ZNF730: variants seen among roughly 807,000 people sequenced by gnomAD.
ZNF730 encodes putative zinc finger protein 730.
Under a neutral mutation model 12.6 loss-of-function variants are expected in ZNF730, and 12 were observed. The ratio of observed to expected loss-of-function variants is 0.95; its 90% CI spans 0.61 to 1.54. The LOEUF (loss-of-function observed/expected upper bound fraction) is 1.54, where lower values mean the gene tolerates loss of function less well. ZNF730 is among the 40% of genes most tolerant of loss of function. The probability of loss-of-function intolerance (pLI) is 0.00; values close to 1 mark genes in which losing one functional copy is unlikely to be tolerated. For missense variants in ZNF730, 643 were observed against 583.5 expected, an observed-to-expected ratio of 1.10 and a Z score of -1.05; for synonymous variants, 194 against 195.8, an observed-to-expected ratio of 0.99 and a Z score of 0.08.
At chr19:23,127,164 C>A in intron 1 of ZNF730, 1 of 537,044 alleles carries the variant, frequency 1.9e-6, no homozygotes, top group Admixed American at 2.4e-5. Flanking sequence ...TTTGTTCATG[C>A]TCAAAGAAAT....
At chr19:23,115,692 C>A (rs777945417), upstream of ZNF730, among the ~76,000 whole-genome samples, 6 of 27,918 alleles carry the variant, frequency 2.1e-4, no homozygotes, top group African/African-American at 3.9e-4. Flanking sequence ...AAGCTCACCC[C>A]CAGAAGCAGA....
intron 1 of ZNF730, among the ~76,000 whole-genome samples, chr19:23,102,616 C>T (rs1258480093): frequency 6.6e-6 from 1 of 152,026 alleles, no homozygotes; most frequent in Non-Finnish European, 1.5e-5. Context: ...CTGCCTCAGC[C>T]TCCCAAGTAG....
chr19:23,135,034 G>T (rs571525920), intron 2 of ZNF730, among the ~76,000 whole-genome samples: 4 of 120,262 alleles, frequency 3.3e-5, no homozygotes, highest in Non-Finnish European at 6.7e-5. Context: ...CAGCATGCTC[G>T]TTAAGAGTCA....
rs1970392115 is a variant in ZNF730, at chr19:23,106,294, C to T, written c.-93-27786C>T. 3.9e-5 allele frequency among the ~76,000 whole-genome samples: 6 copies of T among 152,040 alleles called. No individual in the cohort carries two copies. In the South Asian group the frequency reaches 1.2e-3, roughly 32 times the overall value. On this transcript the variant is annotated intron_variant, in intron 1 of 2. Transcript: ENST00000593635. The stretch of plus-strand genomic sequence containing the variant: ...TAGTAGTTAGGACGATGAAACAGTT[C>T]TGTGTGGTACTCTGAAGATGGGTAT...
At chr19:23,127,639 T>G (rs1429889992) in intron 1 of ZNF730, 2 of 1,106,734 alleles carry the variant, frequency 1.8e-6, no homozygotes, top group South Asian at 2.5e-5. Context: ...ATAAACTCTT[T>G]GTGTGAATGG....
chr19:23,093,000 G>GT (rs1970182591), intron 1 of ZNF730, among the ~76,000 whole-genome samples: 2 of 151,764 alleles, frequency 1.3e-5, no homozygotes, highest in South Asian at 2.1e-4. Context: ...TTTTGTTTTT[G>GT]TTTTTTTGAG....
chr19:23,087,295 G>C (rs1599568426), intron 1 of ZNF730, among the ~76,000 whole-genome samples: 2 of 152,076 alleles, frequency 1.3e-5, no homozygotes, highest in East Asian at 3.9e-4. Context: ...GTAATCCCAG[G>C]TACTCAGAAG....
At chr19:23,114,800 G>A (rs565316914), upstream of ZNF730, among the ~76,000 whole-genome samples, 39 of 151,888 alleles carry the variant, frequency 2.6e-4, no homozygotes, top group African/African-American at 9.4e-4. Flanking sequence ...CAATTTTTTT[G>A]AGATGGGGTC....
intron 1 of ZNF730, among the ~76,000 whole-genome samples, chr19:23,078,154 TG>T (rs1181777086): frequency 1.3e-5 from 2 of 152,132 alleles, no homozygotes; most frequent in Non-Finnish European, 1.5e-5. Flanking sequence ...CAGCCTGACA[TG>T]GGTAAAGGGT....
At chr19:23,113,774 T>C (rs1175492334), upstream of ZNF730, among the ~76,000 whole-genome samples, 1 of 152,332 alleles carries the variant, frequency 6.6e-6, no homozygotes, top group South Asian at 2.1e-4. Flanking sequence ...AAACCCATAG[T>C]TCTGCTATTT....
rs1255532469 is a variant in ZNF730 at position 23,146,229 on chromosome 19, T to G, written c.1185T>G (p.Phe395Leu). ...AGATAATTCATACTGTAGAGAAATTTTACAAATGTGAAGAATGTGGCAAAG... is the reference window on the plus strand; with the variant it reads ...AGATAATTCATACTGTAGAGAAATTGTACAAATGTGAAGAATGTGGCAAAG... ...IHKIIHTVEK[F>L]YKCEECGKAF... Residue 395 changes from phenylalanine to leucine, a missense_variant, in exon 4 of 4, where the codon TTT becomes TTG. Transcript: ENST00000597761. 6.2e-7 allele frequency: 1 copy of G among 1,609,166 alleles called. No homozygotes were observed. Among genetic ancestry groups the G allele is most frequent in the Non-Finnish European group, 8.5e-7 (1 of 1,178,284 alleles).
rs548827533 is a variant in ZNF730 at position 23,143,717 on chromosome 19, A to G, written c.227-1554A>G. 2.0e-5 allele frequency: 3 copies of G among 152,250 alleles called. No homozygotes were observed. In the East Asian group the frequency reaches 5.8e-4, roughly 29 times the overall value. 9.4% of individuals were successfully genotyped at this position (152,250 alleles called of 1,614,324 possible). ...TTGCTGATGGTGTTACTCTCACTTG[A>G]AAGCTATTTTTTTTCCCAGGACTTT... On this transcript the variant is annotated intron_variant, in intron 3 of 3. Transcript: ENST00000597761.
At chr19:23,086,399 TAC>T (rs1207546672) in intron 1 of ZNF730, among the ~76,000 whole-genome samples, 1 of 152,214 alleles carries the variant, frequency 6.6e-6, no homozygotes, top group Non-Finnish European at 1.5e-5. Flanking sequence ...TGAATCATGT[TAC>T]CTAGGTTGTC....
At chr19:23,106,870 GC>G (rs1303346469) in intron 1 of ZNF730, among the ~76,000 whole-genome samples, 4 of 151,252 alleles carry the variant, frequency 2.6e-5, no homozygotes, top group African/African-American at 9.7e-5. Context: ...ATTGAATACT[GC>G]AAGAGTCAAA....
At chr19:23,079,110 C>G (rs967414385) in intron 1 of ZNF730, among the ~76,000 whole-genome samples, 2 of 151,994 alleles carry the variant, frequency 1.3e-5, no homozygotes, top group Admixed American at 6.6e-5. Context: ...CCGGCCCTAT[C>G]TATGTATTTT....
intron 1 of ZNF730, among the ~76,000 whole-genome samples, chr19:23,075,661 C>T (rs1211251421): frequency 6.6e-6 from 1 of 152,120 alleles, no homozygotes; most frequent in Non-Finnish European, 1.5e-5. Context: ...GGATGCCAGG[C>T]GGGTCATCAG....
intron 3 of ZNF730, among the ~76,000 whole-genome samples, chr19:23,139,853 G>A (rs1478114561): frequency 6.6e-6 from 1 of 151,902 alleles, no homozygotes; most frequent in Non-Finnish European, 1.5e-5. Flanking sequence ...CTACATCAAC[G>A]TTGCATACCA....
intron 2 of ZNF730, among the ~76,000 whole-genome samples, chr19:23,134,600 G>C (rs1000498131): frequency 2.2e-5 from 3 of 137,480 alleles, no homozygotes; most frequent in African/African-American, 8.2e-5. Flanking sequence ...GGAGGGTGGG[G>C]GGGGGGGTCA....
Position 23,117,137 on chromosome 19 carries a change from C to G in ZNF730, c.-37C>G. 1 of 1,613,714 alleles carries G rather than the reference C, an allele frequency of 6.2e-7. No individual in the cohort carries two copies. Among genetic ancestry groups the G allele is most frequent in the African/African-American group, 1.3e-5 (1 of 75,054 alleles). On this transcript the variant is annotated 5_prime_UTR_variant, in exon 1 of 4. Coordinates refer to ENST00000597761, the MANE Select transcript of ZNF730 (RefSeq NM_001277403.2). ...TGCGACCTGCGGGTATTGGGAGATC[C>G]ACAGCTAAGACGCCAGGGCCCCCTG...
Sources: gnomAD v4.1 joint callset for allele counts (sites outside exome capture counted in the v4.1 genomes callset) on GRCh38, gnomAD v4.1.1 for gene constraint, MANE v1.5 for transcripts, NCBI Gene and HGNC (gene_info 2026-07-23, HGNC 2026-07-21) for gene names.